Variants in IFI16 observed in about 807,000 individuals in gnomAD.
The protein encoded by IFI16 is gamma-interferon-inducible protein 16.
IFI16 carries 49 observed loss-of-function variants against 68.4 expected under a neutral mutation model. That is an observed-to-expected ratio of 0.72 (90% CI 0.57 to 0.91). The LOEUF (loss-of-function observed/expected upper bound fraction) is 0.91, where lower values mean the gene tolerates loss of function less well. Ranked by LOEUF, IFI16 falls within the 40% of genes least tolerant of loss-of-function variation. The pLI is 0.00. For synonymous variants in IFI16, 307 were observed against 315.0 expected, an observed-to-expected ratio of 0.97 and a Z score of 0.27; for missense variants, 878 against 942.9, an observed-to-expected ratio of 0.93 and a Z score of 0.90.
chr1:159,009,489 G>T (rs893624176), upstream of IFI16, among the ~76,000 whole-genome samples: 2 of 152,158 alleles, frequency 1.3e-5, no homozygotes, highest in Non-Finnish European at 2.9e-5. Flanking sequence ...GCCACTCTGT[G>T]CACAGGAAAG....
intron 8 of IFI16, 88 bp from the exon 9 acceptor site, chr1:159,049,344 T>C: frequency 1.4e-6 from 1 of 691,252 alleles, no homozygotes. Context: ...AACATCCTAT[T>C]TAAAAAAGAA....
chr1:159,053,891 C>T (rs1460066249), intron 11 of IFI16, among the ~76,000 whole-genome samples, 167 bp downstream of exon 11: 1 of 152,106 alleles, frequency 6.6e-6, no homozygotes, highest in East Asian at 1.9e-4. Flanking sequence ...AAGAAGGATA[C>T]TTGTAATCAT....
chr1:159,026,975 A>C (rs1237511481), intron 6 of IFI16, among the ~76,000 whole-genome samples: 1 of 152,150 alleles, frequency 6.6e-6, no homozygotes, highest in East Asian at 1.9e-4. Flanking sequence ...ATCATCAGCA[A>C]ACAGCAACAG....
Position 159,020,416 on chromosome 1 carries a change from C to T in IFI16, c.1048C>T (p.Gln350Ter). The T allele has an allele frequency of 6.2e-7, 1 of 1,611,790 alleles. No individual in the cohort carries two copies. Among genetic ancestry groups the T allele is most frequent in the Non-Finnish European group, 8.5e-7 (1 of 1,177,980 alleles). The change falls in exon 6 of 12, where the codon CAA becomes TAA. Residue 350 changes from glutamine (Q) to a stop codon, truncating the protein, a stop_gained. Coordinates refer to ENST00000295809, the MANE Select transcript of IFI16 (RefSeq NM_001376587.1). LOFTEE classifies it high-confidence loss of function. ...AAAAATGGATGTAGTGGGGACAGGA[C>T]AATGTCACAATATCCCCTGTGAAGA... Reference protein sequence around the residue: ...RGKMDVVGTGQCHNIPCEEGD... With the variant: ...RGKMDVVGTG
chr1:159,031,372 T>C (rs1653988372), intron 6 of IFI16, among the ~76,000 whole-genome samples: 1 of 152,212 alleles, frequency 6.6e-6, no homozygotes, highest in African/African-American at 2.4e-5. Flanking sequence ...GGAAATTTTG[T>C]GTTCGGTCGA....
At chr1:159,015,403 C>G (rs1432046888) in intron 2 of IFI16, among the ~76,000 whole-genome samples, 2 of 152,000 alleles carry the variant, frequency 1.3e-5, no homozygotes, top group Non-Finnish European at 1.5e-5. Context: ...CTTGTTATAT[C>G]AAGTTAAAAA....
chr1:159,010,615 CA>C (rs1324094769), intron 1 of IFI16, among the ~76,000 whole-genome samples: 5 of 152,150 alleles, frequency 3.3e-5, no homozygotes, highest in Non-Finnish European at 7.4e-5. Context: ...CCCAATTTTA[CA>C]AAACATAAGA....
chr1:159,039,145 G>A (rs186943381), intron 7 of IFI16, among the ~76,000 whole-genome samples: 2 of 152,250 alleles, frequency 1.3e-5, no homozygotes, highest in East Asian at 3.9e-4. Flanking sequence ...ATAGAGCCAG[G>A]ACTCAATCAC....
chr1:159,032,597 C>T lies in IFI16; in HGVS notation c.1235C>T (p.Pro412Leu). ...MKLPQEQRQL[P>L]YPSEASTTFP... ...CTACCCCAGGAACAGCGTCAGCTTC[C>T]ATATCCTTCAGAGGCCAGCACAACC... Residue 412 changes from proline (P) to leucine (L), a missense_variant, in exon 7 of 12, where the codon CCA (proline) becomes CTA (leucine). Physicochemically the swap from Pro to Leu is moderately conservative, Grantham distance 98 (BLOSUM62 -3). Transcript: ENST00000295809. The T allele has an allele frequency of 6.2e-7, 1 of 1,612,408 alleles. No homozygotes were observed. Among genetic ancestry groups the T allele is most frequent in the Non-Finnish European group, 8.5e-7 (1 of 1,179,158 alleles).
chr1:159,011,140 G>C (rs1187144833), intron 1 of IFI16, among the ~76,000 whole-genome samples: 1 of 150,018 alleles, frequency 6.7e-6, no homozygotes, highest in Non-Finnish European at 1.5e-5. Context: ...CCAGTACTTT[G>C]GGGGAGACCA....
rs878979243 is a variant in IFI16 at position 159,048,971 on chromosome 1, C to T, written c.1498-461C>T. Among the ~76,000 whole-genome samples the T allele has an allele frequency of 4.0e-5, 6 of 151,378 alleles. No homozygotes were observed. The East Asian group carries it at 5.8e-4, about 15-fold the overall frequency. On this transcript the variant is annotated intron_variant, in intron 8 of 11. Transcript: ENST00000295809. ...TGAGAGAATCTTCCTGTTATGGCTA[C>T]GATCAGAGATCCCTAAAGGATGGAG... is the stretch of plus-strand genomic sequence containing the variant.
At chr1:159,053,383 T>C (rs1345400844) in intron 10 of IFI16, 150 bp from the exon 11 acceptor site, 76 of 460,480 alleles carry the variant, frequency 1.7e-4, no homozygotes, top group Non-Finnish European at 2.9e-4. Context: ...AAAGACCAAG[T>C]ATCTTAAGCT....
In IFI16 at chr1:159,054,817, C is replaced by T. The variant is rs1330413922; in HGVS notation, c.2278-4C>T. 1 of 1,563,378 alleles carries T rather than the reference C, an allele frequency of 6.4e-7. No individual in the cohort carries two copies. The highest frequency in any genetic ancestry group is 2.2e-5 in the East Asian group (1 of 44,588). On this transcript the variant is annotated splice_polypyrimidine_tract_variant and splice_region_variant and intron_variant, in intron 11 of 11. Transcript: ENST00000295809. ...GGTCTGTCTTTATCTCTTTCTCCTT[C>T]AAGGTCATCAAGACCAGGAAAAACA...
chr1:159,002,267 A>T (rs856078), upstream of IFI16, among the ~76,000 whole-genome samples: 142,006 of 152,122 alleles, frequency 0.93, 67,074 homozygotes, highest in East Asian at 1. Flanking sequence ...TTATGCCAAC[A>T]GCCTGCTTAT....
chr1:159,014,664 C>G lies in IFI16; in HGVS notation c.-17C>G. On this transcript the variant is annotated 5_prime_UTR_variant, in exon 2 of 12. Coordinates refer to ENST00000295809, the MANE Select transcript of IFI16 (RefSeq NM_001376587.1). ...TATATACCATTTTCTCTTGTAGGCT[C>G]ACTTATGTCTGTAAAGATGGGAAAA... is the stretch of plus-strand genomic sequence containing the variant. The G allele has an allele frequency of 6.3e-7, 1 of 1,574,912 alleles. No homozygotes were observed. The highest frequency in any genetic ancestry group is 8.6e-7 in the Non-Finnish European group (1 of 1,159,134).
At chr1:159,025,320 T>G (rs777367693) in intron 6 of IFI16, among the ~76,000 whole-genome samples, 4 of 152,144 alleles carry the variant, frequency 2.6e-5, no homozygotes, top group Non-Finnish European at 5.9e-5. Flanking sequence ...CTGGCCACCC[T>G]CGGGACTTAA....
intron 7 of IFI16, among the ~76,000 whole-genome samples, chr1:159,039,436 C>T (rs1372688376): frequency 3.3e-5 from 5 of 152,118 alleles, no homozygotes; most frequent in Admixed American, 3.3e-4. Context: ...CTGTGCCTCC[C>T]GGGTTCAGGT....
At chr1:159,012,386 T>C (rs1306504469) in intron 1 of IFI16, among the ~76,000 whole-genome samples, 1 of 152,228 alleles carries the variant, frequency 6.6e-6, no homozygotes, top group African/African-American at 2.4e-5. Context: ...TTCTAAATAG[T>C]GTCTTACTAG....
At chr1:159,051,562 T>C (rs943990859) in intron 9 of IFI16, 117 bp from the exon 10 acceptor site, 6 of 737,332 alleles carry the variant, frequency 8.1e-6, no homozygotes, top group Admixed American at 2.4e-5. Flanking sequence ...TTTCCCTACT[T>C]TACCCAGTTA....
Sources: gnomAD v4.1 joint callset for allele counts (sites outside exome capture counted in the v4.1 genomes callset) on GRCh38, gnomAD v4.1.1 for gene constraint, MANE v1.5 for transcripts, NCBI Gene and HGNC (gene_info 2026-07-23, HGNC 2026-07-21) for gene names.